The following OLFM3 variants were observed in gnomAD, a reference collection of about 807,000 sequenced individuals.
OLFM3 encodes olfactomedin 3.
Under a neutral mutation model 48.6 loss-of-function variants are expected in OLFM3, and 20 were observed. The observed-to-expected ratio is 0.41, with a 90% CI of 0.29 to 0.60. OLFM3 has a LOEUF of 0.60. OLFM3 is among the 20% of genes least tolerant of loss of function. The probability of loss-of-function intolerance (pLI) is 0.28; values close to 1 mark genes in which losing one functional copy is unlikely to be tolerated. For synonymous variants in OLFM3, 222 were observed against 198.1 expected (o/e 1.12, Z -1.01); for missense variants, 437 against 544.3 (o/e 0.80, Z 1.96).
intron 3 of OLFM3, among the ~76,000 whole-genome samples, chr1:101,829,582 G>T (rs915449667): frequency 4.6e-5 from 7 of 152,170 alleles, no homozygotes; most frequent in African/African-American, 1.4e-4. Flanking sequence ...GCAGAGACTC[G>T]GTTACATGTT....
rs949796853 is a variant in OLFM3, at chr1:101,803,734, T to A, written c.*504A>T. Reference sequence around the variant, plus strand: ...TGTACAGCACCGCATCAGAGAATTGTGTTAACAGCAAAATGATTAATATTA... The same window carrying A: ...TGTACAGCACCGCATCAGAGAATTGAGTTAACAGCAAAATGATTAATATTA... On this transcript the variant is annotated 3_prime_UTR_variant, in exon 6 of 6. Transcript: ENST00000370103. 6.6e-6 allele frequency: 1 copy of A among 152,540 alleles called. No homozygotes were observed. The highest frequency in any genetic ancestry group is 1.5e-5 in the Non-Finnish European group (1 of 68,112). The allele number at this position is 152,540 out of a possible 1,614,324, so 9.4% of individuals were successfully genotyped here.
intron 1 of OLFM3, among the ~76,000 whole-genome samples, chr1:101,958,745 A>G (rs2101080465): frequency 6.6e-6 from 1 of 151,726 alleles, no homozygotes; most frequent in South Asian, 2.1e-4. Flanking sequence ...TAGAGTGGGT[A>G]TAGTCTCTTA....
intron 1 of OLFM3, chr1:101,846,999 A>G (rs1656027914): frequency 6.3e-7 from 1 of 1,594,796 alleles, no homozygotes; most frequent in African/African-American, 1.3e-5. Flanking sequence ...GAGTTTTCAT[A>G]GTGACTGATT....
chr1:101,830,520 A>T, intron 3 of OLFM3, 152 bp downstream of exon 3: 1 of 772,774 alleles, frequency 1.3e-6, no homozygotes, highest in Non-Finnish European at 2.2e-6. Context: ...GCTAATGGTC[A>T]GTTTCAGTGG....
At chr1:101,851,708 C>G (rs1462426578) in intron 1 of OLFM3, among the ~76,000 whole-genome samples, 3 of 152,086 alleles carry the variant, frequency 2.0e-5, no homozygotes, top group African/African-American at 7.2e-5. Flanking sequence ...AGAAAACTTC[C>G]ATAAGGTCCC....
At chr1:101,976,770 A>G (rs11799310) in intron 1 of OLFM3, among the ~76,000 whole-genome samples, 252 of 152,312 alleles carry the variant, frequency 1.7e-3, no homozygotes, top group African/African-American at 5.8e-3. Flanking sequence ...TAGAAAAGTA[A>G]TTTGAAGTCT....
At chr1:101,828,348 C>A (rs528605518) in intron 3 of OLFM3, among the ~76,000 whole-genome samples, 1 of 152,148 alleles carries the variant, frequency 6.6e-6, no homozygotes, top group South Asian at 2.1e-4. Flanking sequence ...TGAAAGTGCT[C>A]AGAACTATAC....
At chr1:101,834,730 T>C (rs1042236340) in intron 2 of OLFM3, among the ~76,000 whole-genome samples, 17 of 152,252 alleles carry the variant, frequency 1.1e-4, no homozygotes, top group African/African-American at 1.4e-4. Context: ...AATTTTGTTT[T>C]TTGTCATTTA....
chr1:101,837,059 C>G (rs941866581), intron 1 of OLFM3, 34 bp from the exon 2 acceptor site: 1 of 1,594,746 alleles, frequency 6.3e-7, no homozygotes. Flanking sequence ...AAAACACAGA[C>G]TCCTGTTATA....
intron 1 of OLFM3, among the ~76,000 whole-genome samples, chr1:101,949,905 C>G (rs528857924): frequency 6.5e-5 from 8 of 122,950 alleles, no homozygotes; most frequent in African/African-American, 2.4e-4. Context: ...ACACTCCAGC[C>G]TGGGCAACAG....
At chr1:101,837,825 C>G (rs543248234) in intron 1 of OLFM3, 1 of 151,964 alleles carries the variant, frequency 6.6e-6, no homozygotes, top group Non-Finnish European at 1.5e-5. Flanking sequence ...CTTTTTATGT[C>G]GCTCATTTCA....
intron 1 of OLFM3, among the ~76,000 whole-genome samples, chr1:101,899,827 A>T (rs1658332353): frequency 6.6e-6 from 1 of 152,112 alleles, no homozygotes; most frequent in South Asian, 2.1e-4. Flanking sequence ...GAAAATTTAT[A>T]TTTTTTAATT....
At chr1:101,993,879 C>A (rs1661482473) in intron 1 of OLFM3, among the ~76,000 whole-genome samples, 1 of 150,408 alleles carries the variant, frequency 6.6e-6, no homozygotes, top group Admixed American at 6.6e-5. Flanking sequence ...TTTCAAGTAA[C>A]TTATCTTACC....
At chr1:101,846,866 C>T in intron 1 of OLFM3, 1 of 1,612,416 alleles carries the variant, frequency 6.2e-7, no homozygotes, top group Non-Finnish European at 8.5e-7. Flanking sequence ...GAGTCGACAG[C>T]CTCGTGGTGT....
chr1:101,810,961 A>G (rs1411882592), intron 4 of OLFM3, among the ~76,000 whole-genome samples: 1 of 151,844 alleles, frequency 6.6e-6, no homozygotes, highest in Non-Finnish European at 1.5e-5. Flanking sequence ...TAGTTAAATG[A>G]TTACAATCTT....
chr1:101,809,246 A>G (rs551876475), intron 4 of OLFM3, among the ~76,000 whole-genome samples: 116 of 151,782 alleles, frequency 7.6e-4, no homozygotes, highest in Non-Finnish European at 1.5e-3. Context: ...TGAATGAAAA[A>G]AAGATCTACT....
intron 4 of OLFM3, among the ~76,000 whole-genome samples, chr1:101,821,057 A>G (rs1654586608): frequency 1.3e-5 from 2 of 151,982 alleles, no homozygotes; most frequent in South Asian, 4.1e-4. Flanking sequence ...AACCCCTGAT[A>G]TGCTTTTCTT....
intron 4 of OLFM3, among the ~76,000 whole-genome samples, chr1:101,810,031 G>A (rs978811529): frequency 2.2e-4 from 33 of 151,990 alleles, no homozygotes; most frequent in African/African-American, 7.7e-4. Context: ...TGGAAGAATA[G>A]GTAAAGTCCA....
At chr1:101,891,569 A>AT (rs200617602) in intron 1 of OLFM3, among the ~76,000 whole-genome samples, 102 of 151,172 alleles carry the variant, frequency 6.7e-4, no homozygotes, top group African/African-American at 1.9e-3. Flanking sequence ...TTTTTGATGG[A>AT]TTTTTTTTTC....
Sources: allele counts gnomAD v4.1 joint callset (sites outside exome capture counted in the v4.1 genomes callset), GRCh38; gene constraint gnomAD v4.1.1; transcripts MANE v1.5; gene names NCBI Gene and HGNC (gene_info 2026-07-23, HGNC 2026-07-21).